Variants in GRIK4 observed in about 807,000 individuals in gnomAD.
GRIK4 encodes glutamate receptor ionotropic, kainate 4.
Under a neutral mutation model 104.9 loss-of-function variants are expected in GRIK4, and 40 were observed. The observed-to-expected ratio is 0.38, with a 90% CI of 0.30 to 0.50. The LOEUF is 0.50. Ranked by LOEUF, GRIK4 falls within the 20% of genes least tolerant of loss-of-function variation. GRIK4 has a pLI of 0.93. For synonymous variants in GRIK4, 485 were observed against 524.9 expected, an observed-to-expected ratio of 0.92 and a Z score of 1.04; for missense variants, 1,047 against 1,308.1, an observed-to-expected ratio of 0.80 and a Z score of 3.08.
At chr11:120,764,272 G>GT (rs200699921) in intron 3 of GRIK4, among the ~76,000 whole-genome samples, 7,601 of 151,928 alleles carry the variant, frequency 0.05, 367 homozygotes, top group African/African-American at 0.12. Flanking sequence ...CAACCCTGCT[G>GT]TTTTTTTGCT....
chr11:120,831,829 G>T, intron 6 of GRIK4, 23 bp from the exon 7 acceptor site: 1 of 1,600,042 alleles, frequency 6.2e-7, no homozygotes, highest in African/African-American at 1.3e-5. Flanking sequence ...ACCCTCAGGG[G>T]CTTCATCCTC....
At chr11:120,709,289 A>G (rs184935938) in intron 3 of GRIK4, among the ~76,000 whole-genome samples, 11 of 151,612 alleles carry the variant, frequency 7.3e-5, no homozygotes, top group South Asian at 2.1e-4. Context: ...TCTACCCCCA[A>G]TCTCATGGCA....
chr11:120,684,182 G>A (rs1591801785), intron 3 of GRIK4, among the ~76,000 whole-genome samples: 1 of 152,238 alleles, frequency 6.6e-6, no homozygotes, highest in East Asian at 1.9e-4. Context: ...AATTAGTTGG[G>A]CGTAATGGTG....
At chr11:120,788,053 T>A (rs1476178955) in intron 3 of GRIK4, among the ~76,000 whole-genome samples, 1 of 151,038 alleles carries the variant, frequency 6.6e-6, no homozygotes, top group Non-Finnish European at 1.5e-5. Context: ...GTATTTTTAG[T>A]AGAGATGGGG....
intron 3 of GRIK4, among the ~76,000 whole-genome samples, chr11:120,704,697 G>C (rs971061609): frequency 3.3e-5 from 5 of 152,194 alleles, no homozygotes; most frequent in Middle Eastern, 3.4e-3. Context: ...ACACAGGTGG[G>C]GCATGGGAAG....
At chr11:120,645,427 T>C (rs954045848) in intron 1 of GRIK4, among the ~76,000 whole-genome samples, 2 of 152,194 alleles carry the variant, frequency 1.3e-5, no homozygotes, top group African/African-American at 4.8e-5. Context: ...AGTGTGTAGG[T>C]GAACAAATGA....
chr11:120,865,424 T>C, intron 9 of GRIK4, among the ~76,000 whole-genome samples: 1 of 152,262 alleles, frequency 6.6e-6, no homozygotes. Flanking sequence ...GCTGGCTCAG[T>C]TGGGCAGCTC....
chr11:120,670,565 G>A (rs982108311), intron 3 of GRIK4, among the ~76,000 whole-genome samples: 1 of 152,202 alleles, frequency 6.6e-6, no homozygotes, highest in African/African-American at 2.4e-5. Flanking sequence ...CACCTGCTGT[G>A]CCCTCTGCCT....
At chr11:120,958,683 C>T (rs1244582466) in intron 16 of GRIK4, among the ~76,000 whole-genome samples, 1 of 152,200 alleles carries the variant, frequency 6.6e-6, no homozygotes, top group Non-Finnish European at 1.5e-5. Context: ...TCAGCAGAGC[C>T]GATGGGTTTG....
intron 1 of GRIK4, among the ~76,000 whole-genome samples, chr11:120,566,968 ATT>A (rs572433053): frequency 4.7e-4 from 47 of 99,702 alleles, no homozygotes; most frequent in African/African-American, 6.4e-4. Flanking sequence ...CGGCCTCCTA[ATT>A]TTTTTTTTTT....
intron 3 of GRIK4, among the ~76,000 whole-genome samples, chr11:120,672,203 T>A (rs911003663): frequency 6.6e-6 from 1 of 152,118 alleles, no homozygotes; most frequent in African/African-American, 2.4e-5. Context: ...GGATCATGAG[T>A]TCGGGAGTTT....
At chr11:120,925,385 C>T (rs948620596) in intron 13 of GRIK4, among the ~76,000 whole-genome samples, 18 of 152,154 alleles carry the variant, frequency 1.2e-4, no homozygotes, top group African/African-American at 3.6e-4. Flanking sequence ...CACAGGCCCC[C>T]GATCACGCCT....
At chr11:120,806,210 TCC>T (rs1287622646) in intron 4 of GRIK4, among the ~76,000 whole-genome samples, 1 of 151,910 alleles carries the variant, frequency 6.6e-6, no homozygotes, top group Non-Finnish European at 1.5e-5. Flanking sequence ...ATTACCAGCC[TCC>T]CCCCTCTCTC....
chr11:120,534,998 G>A (rs1241228640), intron 1 of GRIK4, among the ~76,000 whole-genome samples: 1 of 152,224 alleles, frequency 6.6e-6, no homozygotes, highest in Admixed American at 6.5e-5. Flanking sequence ...CCCTAGGAGA[G>A]TTTACTCCCT....
chr11:120,600,061 C>G (rs1054071903), intron 1 of GRIK4, among the ~76,000 whole-genome samples: 1 of 152,196 alleles, frequency 6.6e-6, no homozygotes, highest in Non-Finnish European at 1.5e-5. Flanking sequence ...GCCCACTCTG[C>G]AGGTGGCCGA....
chr11:120,819,835 C>A lies in GRIK4; in HGVS notation c.426C>A (p.Ser142Arg). ...QRFTTLNLHP[S>R]NTDISVAVAG... ...TCACAACCCTGAACCTCCACCCCAG[C>A]AACACTGACATCAGCGTGGCTGTAG... The change falls in exon 6 of 21, where the codon AGC becomes AGA. Residue 142 changes from serine (S) to arginine (R), a missense_variant. Physicochemically the swap from Ser to Arg is moderately radical, Grantham distance 110. Transcript: ENST00000527524. This position sits in a 1 kb window ranked among gnomAD's most constrained non-coding sequence, Gnocchi z 4.3. 1 of 1,614,044 alleles carries A rather than the reference C, an allele frequency of 6.2e-7. No homozygotes were observed. The highest frequency in any genetic ancestry group is 8.5e-7 in the Non-Finnish European group (1 of 1,179,878).
intron 1 of GRIK4, among the ~76,000 whole-genome samples, chr11:120,596,796 C>T (rs1473469562): frequency 5.3e-5 from 8 of 152,032 alleles, no homozygotes; most frequent in Non-Finnish European, 1.0e-4. Context: ...GCCATATTGG[C>T]TCACTGCAAC....
chr11:120,649,277 C>T (rs1565272298), intron 1 of GRIK4, among the ~76,000 whole-genome samples: 1 of 152,038 alleles, frequency 6.6e-6, no homozygotes, highest in Non-Finnish European at 1.5e-5. Flanking sequence ...GAGATAGCTC[C>T]TTTCTCACCT....
intron 1 of GRIK4, among the ~76,000 whole-genome samples, chr11:120,533,333 A>G (rs921762315): frequency 6.6e-6 from 1 of 152,232 alleles, no homozygotes; most frequent in Non-Finnish European, 1.5e-5. Flanking sequence ...AGCATTGGGC[A>G]GAGTTCTGAG....
Sources: gnomAD v4.1 joint callset for allele counts (sites outside exome capture counted in the v4.1 genomes callset) on GRCh38, gnomAD v4.1.1 for gene constraint, Gnocchi (gnomAD v3.1) non-coding constraint, MANE v1.5 for transcripts, NCBI Gene and HGNC (gene_info 2026-07-23, HGNC 2026-07-21) for gene names.